Variants in IL1RAPL1 observed in about 807,000 individuals in gnomAD.
The protein encoded by IL1RAPL1 is interleukin 1 receptor accessory protein like 1.
A neutral mutation model predicts 48.4 loss-of-function variants in IL1RAPL1; 3 were observed. The observed-to-expected ratio is 0.06, with a 90% CI of 0.03 to 0.16. The LOEUF (loss-of-function observed/expected upper bound fraction) is 0.16. Among genes scored for constraint, IL1RAPL1 ranks in the 10% least tolerant of loss-of-function variants. IL1RAPL1 has a pLI of 1.00. For missense variants in IL1RAPL1, 349 were observed against 530.6 expected (o/e 0.66, Z 3.36); for synonymous variants, 185 against 187.7 (o/e 0.99, Z 0.12).
At chrX:29,439,407 A>T (rs1396652987) in intron 5 of IL1RAPL1, among the ~76,000 whole-genome samples, 1 of 111,847 alleles carries the variant, frequency 8.9e-6, no homozygotes, top group Admixed American at 9.5e-5. Context: ...CCTGTATTCC[A>T]TTGTCCAAAG....
At chrX:29,253,404 TAAATC>T (rs1387731351) in intron 2 of IL1RAPL1, among the ~76,000 whole-genome samples, 2 of 111,204 alleles carry the variant, frequency 1.8e-5, no homozygotes, top group Non-Finnish European at 3.8e-5. Flanking sequence ...GAAGACAAAT[TAAATC>T]AAAATAATGT....
chrX:29,948,534 A>G (rs1002561358), intron 9 of IL1RAPL1, among the ~76,000 whole-genome samples: 1 of 111,766 alleles, frequency 8.9e-6, no homozygotes, highest in African/African-American at 3.2e-5. Context: ...TTGAAAAATC[A>G]TATCTTGAAA....
chrX:28,725,243 C>T (rs1935656325), intron 1 of IL1RAPL1, among the ~76,000 whole-genome samples: 2 of 111,043 alleles, frequency 1.8e-5, no homozygotes, highest in African/African-American at 6.6e-5. Context: ...AGCCACCATG[C>T]CTGGCCCTTG....
chrX:29,235,363 G>T (rs1931272490), intron 2 of IL1RAPL1, among the ~76,000 whole-genome samples: 1 of 111,411 alleles, frequency 9.0e-6, no homozygotes. Flanking sequence ...CTTTGAATTA[G>T]CTTCTAGTTG....
chrX:29,955,800 A>T lies in IL1RAPL1; in HGVS notation c.2071A>T (p.Ile691Leu). The T allele has an allele frequency of 8.3e-7, 1 of 1,209,347 alleles. No individual in the cohort carries two copies. The highest frequency in any genetic ancestry group is 1.1e-6 in the Non-Finnish European group (1 of 893,627). ...ILPLLPRETS[I>L]SSVIW ...GCCGCTGTTGCCAAGGGAGACCAGT[A>T]TATCCAGTGTGATATGGTGACAGAA... Residue 691 changes from isoleucine (I) to leucine (L), a missense_variant, in exon 11 of 11, where the codon ATA (isoleucine) becomes TTA (leucine). This residue lies in a region of IL1RAPL1 where 65 missense variants were observed against 79.6 expected (regional missense o/e 0.82). Transcript: ENST00000378993.
chrX:28,947,560 G>A (rs2036677923), intron 2 of IL1RAPL1, among the ~76,000 whole-genome samples: 1 of 110,560 alleles, frequency 9.0e-6, no homozygotes, highest in African/African-American at 3.3e-5. Context: ...TCGTGGGGTG[G>A]GAGGATGGGG....
intron 6 of IL1RAPL1, among the ~76,000 whole-genome samples, chrX:29,748,778 G>T (rs1229408404): frequency 9.4e-6 from 1 of 106,762 alleles, no homozygotes; most frequent in Non-Finnish European, 1.9e-5. Flanking sequence ...TAAAGAAAGA[G>T]TAGGAAGAGA....
intron 6 of IL1RAPL1, among the ~76,000 whole-genome samples, chrX:29,831,156 A>G (rs1400828705): frequency 8.9e-6 from 1 of 111,829 alleles, no homozygotes; most frequent in African/African-American, 3.3e-5. Context: ...CCGTTTACCA[A>G]TTGTGTTTAT....
intron 5 of IL1RAPL1, among the ~76,000 whole-genome samples, chrX:29,418,106 T>TAC (rs1934241150): frequency 5.0e-5 from 2 of 40,301 alleles, no homozygotes; most frequent in Admixed American, 4.0e-4. Context: ...TATATATATA[T>TAC]ATATATATAT....
chrX:29,534,977 A>G (rs894636545), intron 5 of IL1RAPL1, among the ~76,000 whole-genome samples: 4 of 107,013 alleles, frequency 3.7e-5, no homozygotes, highest in Non-Finnish European at 7.7e-5. Flanking sequence ...CAAAAAAAAA[A>G]AGAGAAATTA....
chrX:29,218,196 TATG>T (rs1056592131), intron 2 of IL1RAPL1, among the ~76,000 whole-genome samples: 1 of 111,916 alleles, frequency 8.9e-6, no homozygotes, highest in African/African-American at 3.2e-5. Flanking sequence ...ACTGCTTTGG[TATG>T]ATAAGTTTTT....
chrX:29,334,947 C>T (rs1304776971), intron 3 of IL1RAPL1, among the ~76,000 whole-genome samples: 1 of 112,632 alleles, frequency 8.9e-6, no homozygotes, highest in African/African-American at 3.2e-5. Flanking sequence ...GAGGTTGTAG[C>T]GAGCCGAGAT....
intron 6 of IL1RAPL1, among the ~76,000 whole-genome samples, chrX:29,802,769 A>ATATATG (rs1929955020): frequency 3.3e-4 from 9 of 27,603 alleles, no homozygotes; most frequent in South Asian, 1.7e-3. Flanking sequence ...ATATATATAT[A>ATATATG]TATATATATA....
At chrX:29,779,025 C>G (rs1264329836) in intron 6 of IL1RAPL1, among the ~76,000 whole-genome samples, 1 of 111,411 alleles carries the variant, frequency 9.0e-6, no homozygotes, top group Non-Finnish European at 1.9e-5. Context: ...CATTTATAAG[C>G]TCTCAGATGA....
At chrX:29,210,744 C>T (rs759850868) in intron 2 of IL1RAPL1, among the ~76,000 whole-genome samples, 2 of 111,806 alleles carry the variant, frequency 1.8e-5, no homozygotes, top group South Asian at 7.4e-4. Flanking sequence ...CTCCCCTTGT[C>T]CTTTACAATA....
intron 2 of IL1RAPL1, among the ~76,000 whole-genome samples, chrX:29,149,281 T>C (rs1307636549): frequency 9.0e-6 from 1 of 110,827 alleles, no homozygotes; most frequent in African/African-American, 3.3e-5. Flanking sequence ...TGCCTAATCC[T>C]TTCAACTAGA....
intron 1 of IL1RAPL1, among the ~76,000 whole-genome samples, chrX:28,616,567 G>A (rs1392255241): frequency 1.8e-5 from 2 of 110,389 alleles, no homozygotes; most frequent in Non-Finnish European, 3.8e-5. Context: ...CCAAGTAGCG[G>A]GGACTACAGG....
chrX:29,594,736 T>C (rs1923487580), intron 5 of IL1RAPL1, among the ~76,000 whole-genome samples: 1 of 111,541 alleles, frequency 9.0e-6, no homozygotes, highest in African/African-American at 3.3e-5. Flanking sequence ...TTACTTTTAA[T>C]TTATTTTTTA....
chrX:28,961,296 T>C (rs1205792619), intron 2 of IL1RAPL1, among the ~76,000 whole-genome samples: 1 of 110,671 alleles, frequency 9.0e-6, no homozygotes, highest in Non-Finnish European at 1.9e-5. Flanking sequence ...GTAAATGACG[T>C]TTGGGGAGCT....
Sources: allele counts gnomAD v4.1 joint callset (sites outside exome capture counted in the v4.1 genomes callset), GRCh38; gene constraint gnomAD v4.1.1; regional missense constraint gnomAD v4.1.1; transcripts MANE v1.5; gene names NCBI Gene and HGNC (gene_info 2026-07-23, HGNC 2026-07-21).